The following SPATS2L variants were observed in gnomAD, a reference collection of about 807,000 sequenced individuals.
SPATS2L encodes SPATS2-like protein.
Under a neutral mutation model 59.6 loss-of-function variants are expected in SPATS2L, and 30 were observed. The ratio of observed to expected loss-of-function variants is 0.50; its 90% confidence interval spans 0.38 to 0.68. The LOEUF is 0.68. SPATS2L is among the 30% of genes least tolerant of loss of function. The pLI, the probability that SPATS2L is intolerant of heterozygous loss-of-function variation, is 0.00. For synonymous variants in SPATS2L, 252 were observed against 263.5 expected, an observed-to-expected ratio of 0.96 and a Z score of 0.42; for missense variants, 615 against 700.0, an observed-to-expected ratio of 0.88 and a Z score of 1.37.
Position 200,477,953 on chromosome 2 carries a change from C to T in SPATS2L, c.1599C>T (p.Cys533=). The change falls in exon 13 of 13, where the codon TGC becomes TGT. Residue 533 remains cysteine, a synonymous_variant. Transcript: ENST00000409140. ...GTAGTGTCGGTAGGGTTTCACAGTGCAATCTCTGCCCCACGAGAATAGAAG... is the reference window on the plus strand; with the variant it reads ...GTAGTGTCGGTAGGGTTTCACAGTGTAATCTCTGCCCCACGAGAATAGAAG... ...FRGSVGRVSQ[C]NLCPTRIEVS... 1 of 1,609,504 alleles carries T rather than the reference C, an allele frequency of 6.2e-7. No homozygotes were observed. The highest frequency in any genetic ancestry group is 8.5e-7 in the Non-Finnish European group (1 of 1,178,508).
intron 2 of SPATS2L, among the ~76,000 whole-genome samples, chr2:200,364,423 G>A (rs1044706724): frequency 4.6e-5 from 7 of 151,164 alleles, no homozygotes; most frequent in East Asian, 3.9e-4. Context: ...CCTTGCCAGC[G>A]TTCAGACGGG....
chr2:200,311,315 C>T (rs1258305104), intron 1 of SPATS2L, among the ~76,000 whole-genome samples: 1 of 152,196 alleles, frequency 6.6e-6, no homozygotes, highest in Non-Finnish European at 1.5e-5. Flanking sequence ...TAATCAGCTT[C>T]TCCATTCATC....
chr2:200,320,467 C>G (rs906919825), intron 1 of SPATS2L, among the ~76,000 whole-genome samples: 7 of 152,146 alleles, frequency 4.6e-5, no homozygotes, highest in Admixed American at 1.3e-4. Flanking sequence ...AATCATTACT[C>G]TTAAAGAGAA....
At chr2:200,370,639 A>G (rs1277681150) in intron 2 of SPATS2L, among the ~76,000 whole-genome samples, 1 of 152,176 alleles carries the variant, frequency 6.6e-6, no homozygotes, top group Non-Finnish European at 1.5e-5. Flanking sequence ...CTATTATTCT[A>G]TATATATTAG....
At chr2:200,467,151 C>T in intron 9 of SPATS2L, 139 bp from the exon 10 acceptor site, 1 of 641,524 alleles carries the variant, frequency 1.6e-6, no homozygotes. Context: ...GTGAACCCGC[C>T]TCCATGACCA....
At chr2:200,470,604 A>G (rs779752401) in intron 11 of SPATS2L, among the ~76,000 whole-genome samples, 1 of 152,086 alleles carries the variant, frequency 6.6e-6, no homozygotes, top group Non-Finnish European at 1.5e-5. Context: ...GCCCACCCAC[A>G]AGGGGAGGTG....
chr2:200,398,921 T>C (rs1013296396), intron 3 of SPATS2L, among the ~76,000 whole-genome samples: 1 of 152,200 alleles, frequency 6.6e-6, no homozygotes, highest in Non-Finnish European at 1.5e-5. Context: ...GGTCCATGTG[T>C]GGTTCACTGG....
chr2:200,340,242 C>T (rs765820302), intron 2 of SPATS2L, among the ~76,000 whole-genome samples: 3 of 152,102 alleles, frequency 2.0e-5, no homozygotes, highest in Non-Finnish European at 2.9e-5. Flanking sequence ...GCCCTGCACT[C>T]TTTACTCTTG....
chr2:200,407,097 G>A (rs1451836949), intron 3 of SPATS2L, among the ~76,000 whole-genome samples: 1 of 152,140 alleles, frequency 6.6e-6, no homozygotes, highest in Non-Finnish European at 1.5e-5. Context: ...TAATGCAAAT[G>A]CTCCCACTTT....
chr2:200,425,836 C>G (rs985385558), intron 6 of SPATS2L, among the ~76,000 whole-genome samples: 1 of 151,970 alleles, frequency 6.6e-6, no homozygotes, highest in African/African-American at 2.4e-5. Flanking sequence ...CAACATAATT[C>G]TAGAGTGTAA....
At chr2:200,356,495 A>G (rs76553501) in intron 2 of SPATS2L, among the ~76,000 whole-genome samples, 2,005 of 152,132 alleles carry the variant, frequency 0.013, 57 homozygotes, top group African/African-American at 0.046. Context: ...AGAAGGAGGG[A>G]AAAAAATGGG....
chr2:200,403,633 G>A (rs1014906612), intron 3 of SPATS2L, among the ~76,000 whole-genome samples: 3 of 152,054 alleles, frequency 2.0e-5, no homozygotes, highest in Admixed American at 1.3e-4. Context: ...AGACACCTTA[G>A]TGATACTCAG....
intron 6 of SPATS2L, among the ~76,000 whole-genome samples, chr2:200,422,703 C>T (rs2083363867): frequency 6.6e-6 from 1 of 152,042 alleles, no homozygotes; most frequent in South Asian, 2.1e-4. Context: ...GTAATCTGCC[C>T]TTTTCCTTGG....
At chr2:200,427,655 A>G (rs866822203) in intron 6 of SPATS2L, among the ~76,000 whole-genome samples, 77 of 152,158 alleles carry the variant, frequency 5.1e-4, no homozygotes, top group African/African-American at 1.5e-3. Context: ...ATCAAGCTTC[A>G]TAGGATTTGA....
At chr2:200,369,350 G>T (rs2081357021) in intron 2 of SPATS2L, among the ~76,000 whole-genome samples, 1 of 151,990 alleles carries the variant, frequency 6.6e-6, no homozygotes, top group South Asian at 2.1e-4. Flanking sequence ...GTAGAAACAG[G>T]GTTTCATCAT....
intron 2 of SPATS2L, among the ~76,000 whole-genome samples, chr2:200,334,492 G>A (rs2105804034): frequency 6.7e-6 from 1 of 149,596 alleles, no homozygotes; most frequent in Admixed American, 6.6e-5. Flanking sequence ...TTCTTTTGCT[G>A]TGCAGAAGAA....
chr2:200,362,799 A>G (rs1161585702), intron 2 of SPATS2L, among the ~76,000 whole-genome samples: 3 of 152,214 alleles, frequency 2.0e-5, no homozygotes, highest in African/African-American at 7.2e-5. Context: ...CTAAGGATAT[A>G]AAGAAGGAGA....
rs2086669559 is a variant in SPATS2L at position 200,467,307 on chromosome 2, C to T, written c.865C>T (p.Arg289Cys). The stretch of plus-strand genomic sequence containing the variant: ...TTTGGCAGTGGAAATCCTGACTGCT[C>T]GTCAGAAGAAAGCAGAAGAACTAAA... ...KEEAMEILTA[R>C]QKKAEELKRL... The change falls in exon 10 of 13, where the codon CGT becomes TGT. Residue 289 changes from arginine (R) to cysteine (C), a missense_variant. This residue lies in a region of SPATS2L where 104 missense variants were observed against 162.5 expected (regional missense o/e 0.64). Coordinates refer to ENST00000409140, the MANE Select transcript of SPATS2L (RefSeq NM_001100423.2). 1.2e-6 allele frequency: 2 copies of T among 1,613,472 alleles called. No homozygotes were observed. The highest frequency in any genetic ancestry group is 1.7e-6 in the Non-Finnish European group (2 of 1,179,464).
intron 11 of SPATS2L, among the ~76,000 whole-genome samples, chr2:200,471,294 G>C (rs1264778925): frequency 6.6e-6 from 1 of 152,092 alleles, no homozygotes; most frequent in Non-Finnish European, 1.5e-5. Context: ...CCTTATGAAA[G>C]AATCTACCTA....
Sources: allele counts gnomAD v4.1 joint callset (sites outside exome capture counted in the v4.1 genomes callset), GRCh38; gene constraint gnomAD v4.1.1; regional missense constraint gnomAD v4.1.1; transcripts MANE v1.5; gene names NCBI Gene and HGNC (gene_info 2026-07-23, HGNC 2026-07-21).